Variants in AKAP14 observed in about 807,000 individuals in gnomAD.
AKAP14 encodes A-kinase anchor protein 14.
Under a neutral mutation model 17.0 loss-of-function variants are expected in AKAP14, and 4 were observed. That is an observed-to-expected ratio of 0.23 (90% CI 0.12 to 0.54). The LOEUF (loss-of-function observed/expected upper bound fraction) is 0.54, where lower values mean the gene tolerates loss of function less well. Among genes scored for constraint, AKAP14 ranks in the 20% least tolerant of loss-of-function variants. The probability of loss-of-function intolerance (pLI) is 0.95; values close to 1 mark genes in which losing one functional copy is unlikely to be tolerated. For synonymous variants in AKAP14, 42 were observed against 51.3 expected (o/e 0.82, Z 0.77); for missense variants, 129 against 150.9 (o/e 0.85, Z 0.76).
intron 4 of AKAP14, among the ~76,000 whole-genome samples, chrX:119,910,327 C>A (rs1434685281): frequency 8.9e-6 from 1 of 111,754 alleles, no homozygotes; most frequent in Non-Finnish European, 1.9e-5. Flanking sequence ...GGCCTGAAAT[C>A]TTTTTGATGT....
intron 5 of AKAP14, among the ~76,000 whole-genome samples, chrX:119,916,182 T>TC (rs2056655541): frequency 9.5e-6 from 1 of 105,423 alleles, no homozygotes; most frequent in East Asian, 3.0e-4. Context: ...CTTCTCTCTC[T>TC]TTTTTTTTTA....
Position 119,920,695 on chromosome X carries a change from G to C in AKAP14, c.*88G>C. On this transcript the variant is annotated 3_prime_UTR_variant, in exon 7 of 7. Transcript: ENST00000371431. ...CGTCAAACCACAGAATATTTATTGA[G>C]TAATAAACTTGTGGCACACAATCCA... 1 of 683,174 alleles carries C rather than the reference G, an allele frequency of 1.5e-6. No individual in the cohort carries two copies. The allele number at this position is 683,174 out of a possible 1,213,427, so 56.3% of individuals were successfully genotyped here. A position where few individuals can be genotyped will look rare whatever the true frequency, so the allele number is the denominator to read the frequency against.
intron 2 of AKAP14, among the ~76,000 whole-genome samples, 194 bp downstream of exon 2, chrX:119,896,461 G>GGGAGGGGAGC (rs2056528103): frequency 1.0e-5 from 1 of 96,436 alleles, no homozygotes; most frequent in African/African-American, 3.9e-5. Context: ...GGAGGGGGAG[G>GGGAGGGGAGC]GGAGGGGAGC....
chrX:119,904,529 A>G (rs779295345), intron 4 of AKAP14, among the ~76,000 whole-genome samples: 1 of 111,892 alleles, frequency 8.9e-6, no homozygotes, highest in East Asian at 2.8e-4. Context: ...GGGAGAATCA[A>G]TCATTTGAGC....
At chrX:119,913,151 TA>T (rs768107378) in intron 4 of AKAP14, among the ~76,000 whole-genome samples, 109 of 69,629 alleles carry the variant, frequency 1.6e-3, no homozygotes, top group African/African-American at 6.9e-3. Flanking sequence ...AATAAATAAA[TA>T]AAATAAAATA....
chrX:119,898,187 G>T (rs1366247135), intron 2 of AKAP14, among the ~76,000 whole-genome samples: 2 of 110,831 alleles, frequency 1.8e-5, no homozygotes, highest in African/African-American at 3.3e-5. Flanking sequence ...ATAGCCAGCT[G>T]TGGTGGTATA....
At chrX:119,908,308 A>T (rs1454344172) in intron 4 of AKAP14, among the ~76,000 whole-genome samples, 1 of 95,451 alleles carries the variant, frequency 1.0e-5, no homozygotes, top group Non-Finnish European at 2.1e-5. Context: ...AAAAAGAAGG[A>T]TGGTATAGGA....
At chrX:119,898,341 A>G (rs753182690) in intron 2 of AKAP14, among the ~76,000 whole-genome samples, 2 of 112,155 alleles carry the variant, frequency 1.8e-5, no homozygotes, top group East Asian at 5.6e-4. Flanking sequence ...GAAAAAAAGG[A>G]AAACAAAAAG....
Sources: allele counts gnomAD v4.1 joint callset (sites outside exome capture counted in the v4.1 genomes callset), GRCh38; gene constraint gnomAD v4.1.1; transcripts MANE v1.5; gene names NCBI Gene and HGNC (gene_info 2026-07-23, HGNC 2026-07-21).